CYP4F8: variants seen among roughly 807,000 people sequenced by gnomAD.
CYP4F8 encodes cytochrome P450 family 4 subfamily F member 8.
CYP4F8 carries 56 observed loss-of-function variants against 55.0 expected under a neutral mutation model. The ratio of observed to expected loss-of-function variants is 1.02; its 90% CI spans 0.82 to 1.27. The LOEUF (loss-of-function observed/expected upper bound fraction) is 1.27, where lower values mean the gene tolerates loss of function less well. Among genes scored for constraint, CYP4F8 ranks in the 50% most tolerant of loss-of-function variants. CYP4F8 has a pLI of 0.00. For missense variants in CYP4F8, 680 were observed against 682.4 expected (o/e 1.00, Z 0.04); for synonymous variants, 288 against 267.3 (o/e 1.08, Z -0.76).
At position 15,628,295 on chromosome 19, in the gene CYP4F8, TC is replaced by T. The variant is rs1568385351; in HGVS notation, c.1116-5del. The T allele has an allele frequency of 6.2e-7, 1 of 1,613,912 alleles. No homozygotes were observed. Among genetic ancestry groups the T allele is most frequent in the Non-Finnish European group, 8.5e-7 (1 of 1,179,954 alleles). ...GCTCTCTGGATAATTGTTGGGTGTT[TC>T]CTTAGGGACGACCTGGCCCAGTTGC... On this transcript the variant is annotated splice_polypyrimidine_tract_variant and splice_region_variant and intron_variant, in intron 9 of 12. Coordinates refer to ENST00000612078, the MANE Select transcript of CYP4F8 (RefSeq NM_007253.4).
Position 15,615,711 on chromosome 19 carries a change from C to G in CYP4F8, c.95C>G (p.Ala32Gly). Residue 32 changes from alanine to glycine, a missense_variant, in exon 2 of 13, where the codon GCC (alanine) becomes GGC (glycine). By Grantham distance (60) the Ala-to-Gly change is moderately conservative. Coordinates refer to ENST00000612078, the MANE Select transcript of CYP4F8 (RefSeq NM_007253.4). ...LLVVGASWLL[A>G]RILAWTYAFY... ...GTGGTCGGGGCCTCCTGGCTCCTGGCCCGCATCCTGGCCTGGACCTATGCC... is the reference window on the plus strand; with the variant it reads ...GTGGTCGGGGCCTCCTGGCTCCTGGGCCGCATCCTGGCCTGGACCTATGCC... 1 of 1,614,090 alleles carries G rather than the reference C, an allele frequency of 6.2e-7. No individual in the cohort carries two copies. The highest frequency in any genetic ancestry group is 2.2e-5 in the East Asian group (1 of 44,874).
chr19:15,624,265 C>T (rs1428289417), intron 9 of CYP4F8, among the ~76,000 whole-genome samples, 171 bp downstream of exon 9: 2 of 152,148 alleles, frequency 1.3e-5, no homozygotes, highest in Non-Finnish European at 2.9e-5. Flanking sequence ...ACATTGCATG[C>T]TTTGGGGACA....
intron 1 of CYP4F8, 97 bp from the exon 2 acceptor site, chr19:15,615,519 C>T: frequency 2.9e-6 from 4 of 1,364,630 alleles, no homozygotes; most frequent in Non-Finnish European, 3.9e-6. Flanking sequence ...AATCTCCCTC[C>T]ATGCTCTTAA....
At chr19:15,616,965 T>G (rs1435397523) in intron 2 of CYP4F8, among the ~76,000 whole-genome samples, 1 of 152,182 alleles carries the variant, frequency 6.6e-6, no homozygotes, top group Non-Finnish European at 1.5e-5. Context: ...GAGCCGCTGT[T>G]CTTCCTGACA....
chr19:15,626,098 T>C (rs376088291), intron 9 of CYP4F8, among the ~76,000 whole-genome samples: 11 of 152,204 alleles, frequency 7.2e-5, no homozygotes, highest in African/African-American at 2.4e-4. Context: ...TTCTCTTGCT[T>C]TTAGCTATGA....
intron 2 of CYP4F8, 147 bp from the exon 3 acceptor site, chr19:15,617,853 C>A: frequency 1.0e-6 from 1 of 966,618 alleles, no homozygotes; most frequent in Non-Finnish European, 1.5e-6. Flanking sequence ...AAGGGGAGAT[C>A]CTCCTTCCTC....
intron 5 of CYP4F8, among the ~76,000 whole-genome samples, chr19:15,620,734 A>G (rs1972182836): frequency 6.6e-6 from 1 of 152,090 alleles, no homozygotes; most frequent in Non-Finnish European, 1.5e-5. Context: ...ACCACATTCT[A>G]TTGGCCAAAA....
chr19:15,622,386 G>T (rs758232246), intron 6 of CYP4F8, 46 bp downstream of exon 6: 1 of 1,530,796 alleles, frequency 6.5e-7, no homozygotes, highest in Non-Finnish European at 8.9e-7. Flanking sequence ...GAGTGGGGGT[G>T]TGGGTGTGGG....
rs1972305717 is a variant in CYP4F8 at position 15,629,319 on chromosome 19, G to C, written c.1524G>C (p.Ala508=). 1 of 1,612,640 alleles carries C rather than the reference G, an allele frequency of 6.2e-7. No individual in the cohort carries two copies. The highest frequency in any genetic ancestry group is 2.2e-5 in the East Asian group (1 of 44,868). ...GGACGCCGGAGATTGTTTTGCGTGC[G>C]GAGGACGGACTTTGGCTGCGAGTAG... ...PRRTPEIVLR[A]EDGLWLRVEP... The change falls in exon 13 of 13, where the codon GCG becomes GCC. Residue 508 remains alanine (A), a synonymous_variant. Transcript: ENST00000612078.
At position 15,623,111 on chromosome 19, in the gene CYP4F8, C is replaced by T. The variant is rs776195653; in HGVS notation, c.654C>T (p.Pro218=). ...CTCTGGACTGGCCCTGCAGGAAGCC[C>T]AGTGAATATATTACTGCGATCATGG... ...FSFDSNCQEK[P]SEYITAIMEL... Residue 218 remains proline (P), a synonymous_variant, in exon 7 of 13, where the codon CCC becomes CCT. Coordinates refer to ENST00000612078, the MANE Select transcript of CYP4F8 (RefSeq NM_007253.4). The T allele has an allele frequency of 1.9e-6, 3 of 1,613,378 alleles. No homozygotes were observed. In the East Asian group the frequency reaches 6.7e-5, roughly 36 times the overall value.
intron 2 of CYP4F8, among the ~76,000 whole-genome samples, chr19:15,617,718 C>G (rs1221494594): frequency 6.6e-6 from 1 of 152,144 alleles, no homozygotes; most frequent in Non-Finnish European, 1.5e-5. Context: ...ACCTGGAGTT[C>G]TAATGTTCAA....
chr19:15,626,805 C>A (rs1972269009), intron 9 of CYP4F8, among the ~76,000 whole-genome samples: 1 of 152,110 alleles, frequency 6.6e-6, no homozygotes, highest in South Asian at 2.1e-4. Flanking sequence ...TCTTAAGTCA[C>A]AAAAATTTCT....
Position 15,629,387 on chromosome 19 carries a change from T to G in CYP4F8, c.*29T>G. 6.3e-7 allele frequency: 1 copy of G among 1,575,054 alleles called. No individual in the cohort carries two copies. On this transcript the variant is annotated 3_prime_UTR_variant, in exon 13 of 13. Coordinates refer to ENST00000612078, the MANE Select transcript of CYP4F8 (RefSeq NM_007253.4). ...CTGCAGTGACCCACCCACCTACCTT[T>G]GCATCACCTACCTTTGCACCAACTA...
At chr19:15,617,675 G>A (rs1305113853) in intron 2 of CYP4F8, among the ~76,000 whole-genome samples, 1 of 152,134 alleles carries the variant, frequency 6.6e-6, no homozygotes, top group Non-Finnish European at 1.5e-5. Context: ...GGACACTGGT[G>A]GTGCAATTCC....
At chr19:15,623,848 A>G (rs1442876737) in intron 8 of CYP4F8, 83 bp downstream of exon 8, 4 of 1,598,534 alleles carry the variant, frequency 2.5e-6, no homozygotes, top group Non-Finnish European at 3.4e-6. Flanking sequence ...GAATCACTTC[A>G]TTCTGCCCAA....
chr19:15,623,889 C>CTCAA (rs1286708853), intron 8 of CYP4F8, 76 bp from the exon 9 acceptor site: 15 of 1,598,158 alleles, frequency 9.4e-6, no homozygotes, highest in Non-Finnish European at 1.2e-5. Flanking sequence ...TCCTGAGAGC[C>CTCAA]TCAATGTATG....
Position 15,623,266 on chromosome 19 carries a change from T to A in CYP4F8, c.809T>A (p.Val270Asp). The A allele has an allele frequency of 6.2e-7, 1 of 1,613,998 alleles. No individual in the cohort carries two copies. Among genetic ancestry groups the A allele is most frequent in the South Asian group, 1.1e-5 (1 of 91,078 alleles). ...CTGGTGCACGACTTCACAGATGCCG[T>A]CATCCAGGAGCGGCGCCGCACCCTC... Reference protein sequence around the residue: ...CRLVHDFTDAVIQERRRTLTS... With the variant: ...CRLVHDFTDADIQERRRTLTS... The change falls in exon 7 of 13, where the codon GTC becomes GAC. Residue 270 changes from valine (V) to aspartate (D), a missense_variant. Transcript: ENST00000612078.
Position 15,628,531 on chromosome 19 carries a change from G to A in CYP4F8, c.1250G>A (p.Gly417Glu), listed in dbSNP as rs780551193. 2.7e-5 allele frequency: 44 copies of A among 1,613,756 alleles called. No homozygotes were observed. Among genetic ancestry groups the A allele is most frequent in the Non-Finnish European group, 3.7e-5 (44 of 1,179,846 alleles). ...CTTACTGTCCTCTCCTGCACGACAG[G>A]GAATGTCTGTAACATCAACATCTTC... ...VLPDSRVIPK[G>E]NVCNINIFAI... The change falls in exon 11 of 13, where the codon GGG becomes GAG. Residue 417 changes from glycine (G) to glutamate (E), a missense_variant and splice_region_variant. Transcript: ENST00000612078.
At chr19:15,619,908 T>C in intron 5 of CYP4F8, 146 bp downstream of exon 5, 1 of 1,094,946 alleles carries the variant, frequency 9.1e-7, no homozygotes, top group South Asian at 1.7e-5. Context: ...AGGCTAATAA[T>C]CCTCACTAAA....
Sources: gnomAD v4.1 joint callset for allele counts (sites outside exome capture counted in the v4.1 genomes callset) on GRCh38, gnomAD v4.1.1 for gene constraint, MANE v1.5 for transcripts, NCBI Gene and HGNC (gene_info 2026-07-23, HGNC 2026-07-21) for gene names.